FARP2: variants seen among roughly 807,000 people sequenced by gnomAD.
FARP2 encodes FERM, ARHGEF and pleckstrin domain-containing protein 2.
A neutral mutation model predicts 130.5 loss-of-function variants in FARP2; 111 were observed. That is an observed-to-expected ratio of 0.85 (90% CI 0.73 to 1.00). The LOEUF is 1.00. FARP2 is among the 50% of genes least tolerant of loss of function. The pLI is 0.00. For missense variants in FARP2, 1,385 were observed against 1,346.3 expected (o/e 1.03, Z -0.45); for synonymous variants, 504 against 516.9 (o/e 0.98, Z 0.34).
chr2:241,488,597 T>A (rs1415127037), intron 21 of FARP2: 2 of 152,096 alleles, frequency 1.3e-5, no homozygotes, highest in African/African-American at 4.8e-5. Flanking sequence ...AGACGGGGTT[T>A]CACCGTGTTA....
At chr2:241,474,479 G>A (rs2064403399) in intron 18 of FARP2, among the ~76,000 whole-genome samples, 1 of 151,294 alleles carries the variant, frequency 6.6e-6, no homozygotes, top group Admixed American at 6.6e-5. Flanking sequence ...GGAAATAAGA[G>A]GGAGTCATGA....
intron 18 of FARP2, among the ~76,000 whole-genome samples, chr2:241,468,803 C>T (rs2064238478): frequency 6.6e-6 from 1 of 152,230 alleles, no homozygotes; most frequent in Non-Finnish European, 1.5e-5. Flanking sequence ...GGCTCTAAAA[C>T]GTACAAAAGA....
intron 18 of FARP2, among the ~76,000 whole-genome samples, chr2:241,469,328 G>A (rs1208495375): frequency 5.3e-5 from 8 of 152,000 alleles, no homozygotes; most frequent in East Asian, 1.9e-4. Context: ...CTCGTGATCC[G>A]CCTGCCTCAA....
At chr2:241,376,807 C>A (rs1277622947) in intron 2 of FARP2, among the ~76,000 whole-genome samples, 1 of 152,194 alleles carries the variant, frequency 6.6e-6, no homozygotes, top group Admixed American at 6.5e-5. Context: ...AGCAGTGAGA[C>A]CCCTGGCTGG....
At chr2:241,455,252 G>A (rs752172157) in intron 13 of FARP2, among the ~76,000 whole-genome samples, 7 of 152,198 alleles carry the variant, frequency 4.6e-5, no homozygotes, top group East Asian at 1.9e-4. Context: ...GCATTTATGC[G>A]ACCAGGGGTT....
chr2:241,364,464 C>T (rs898434971), intron 1 of FARP2, among the ~76,000 whole-genome samples: 2 of 152,150 alleles, frequency 1.3e-5, no homozygotes, highest in Non-Finnish European at 2.9e-5. Context: ...ACTTCTAACC[C>T]GTAGACACTG....
At chr2:241,380,159 C>T (rs1020087073) in intron 2 of FARP2, among the ~76,000 whole-genome samples, 4 of 152,158 alleles carry the variant, frequency 2.6e-5, no homozygotes, top group Admixed American at 2.6e-4. Context: ...GTGAAGACGC[C>T]ATGACAGTGG....
Position 241,490,137 on chromosome 2 carries a change from G to A in FARP2, c.2504+93G>A, listed in dbSNP as rs2064857380. On this transcript the variant is annotated intron_variant, in intron 22 of 26. Coordinates refer to ENST00000264042, the MANE Select transcript of FARP2 (RefSeq NM_014808.4). ...GCCTCTGAGTCCTCTGAGCTGTGAG[G>A]AGCCATGTAGCCTCATGGGGTTGTG... 9.1e-6 allele frequency: 8 copies of A among 882,794 alleles called. No individual in the cohort carries two copies. The South Asian group carries it at 9.6e-5, about 11-fold the overall frequency. 54.7% of individuals were successfully genotyped at this position (882,794 alleles called of 1,614,324 possible).
intron 21 of FARP2, among the ~76,000 whole-genome samples, chr2:241,485,648 TG>T: frequency 6.9e-6 from 1 of 145,652 alleles, no homozygotes; most frequent in Non-Finnish European, 1.5e-5. Flanking sequence ...CCTCCCTCCC[TG>T]AGGTCCTCCC....
At chr2:241,424,807 A>AATG (rs2062890834) in intron 8 of FARP2, among the ~76,000 whole-genome samples, 1 of 152,234 alleles carries the variant, frequency 6.6e-6, no homozygotes, top group South Asian at 2.1e-4. Flanking sequence ...ATCATCAGAG[A>AATG]ATGCTATAAA....
intron 24 of FARP2, among the ~76,000 whole-genome samples, chr2:241,492,239 G>A (rs959151470): frequency 6.6e-6 from 1 of 152,166 alleles, no homozygotes; most frequent in African/African-American, 2.4e-5. Context: ...CAGGGGCTCA[G>A]GAGCTACCCC....
chr2:241,468,734 A>G (rs1037678021), intron 18 of FARP2, among the ~76,000 whole-genome samples: 4 of 152,236 alleles, frequency 2.6e-5, no homozygotes, highest in African/African-American at 9.6e-5. Context: ...GCACTGGGGA[A>G]TGGGGTGCAA....
At chr2:241,384,339 G>T (rs1179175569) in intron 2 of FARP2, among the ~76,000 whole-genome samples, 1 of 152,060 alleles carries the variant, frequency 6.6e-6, no homozygotes, top group African/African-American at 2.4e-5. Context: ...GCAGCTTTTT[G>T]CCACAGTGGT....
chr2:241,359,020 C>T (rs1450215634), intron 1 of FARP2, among the ~76,000 whole-genome samples: 1 of 152,188 alleles, frequency 6.6e-6, no homozygotes, highest in Non-Finnish European at 1.5e-5. Flanking sequence ...AGTAAACATG[C>T]TTCCACAAGC....
chr2:241,443,113 TA>T, intron 13 of FARP2: 1 of 264,412 alleles, frequency 3.8e-6, no homozygotes, highest in Non-Finnish European at 7.5e-6. Context: ...CCGTAGACAT[TA>T]GCCTTTTCTT....
chr2:241,454,086 G>A (rs1030401004), intron 13 of FARP2, among the ~76,000 whole-genome samples: 1 of 151,940 alleles, frequency 6.6e-6, no homozygotes, highest in South Asian at 2.1e-4. Flanking sequence ...ACCCGGCCAG[G>A]AGTGGCCCTT....
chr2:241,428,674 AT>A (rs1356538886), intron 8 of FARP2, among the ~76,000 whole-genome samples: 1 of 151,632 alleles, frequency 6.6e-6, no homozygotes, highest in Non-Finnish European at 1.5e-5. Flanking sequence ...AAAATTCACC[AT>A]GTTGAAGTAT....
intron 8 of FARP2, among the ~76,000 whole-genome samples, chr2:241,420,531 C>T (rs1337299569): frequency 6.6e-6 from 1 of 152,168 alleles, no homozygotes; most frequent in Non-Finnish European, 1.5e-5. Context: ...TTCACAAAAC[C>T]TTCACAGGAA....
chr2:241,373,072 T>C lies in FARP2; in HGVS notation c.-24-12T>C. 1.5e-6 allele frequency: 2 copies of C among 1,305,406 alleles called. No homozygotes were observed. Among genetic ancestry groups the C allele is most frequent in the South Asian group, 2.3e-5 (1 of 43,314 alleles). 80.9% of individuals were successfully genotyped at this position (1,305,406 alleles called of 1,614,324 possible). A position where few individuals can be genotyped will look rare whatever the true frequency, so the allele number is the denominator to read the frequency against. ...TAATTCCTTCATGTGGTTTTTTTTT[T>C]TTTCATTTTAGTGTTTTCTTCACTC... On this transcript the variant is annotated splice_polypyrimidine_tract_variant and intron_variant, in intron 1 of 26. Transcript: ENST00000264042.
Sources: gnomAD v4.1 joint callset for allele counts (sites outside exome capture counted in the v4.1 genomes callset) on GRCh38, gnomAD v4.1.1 for gene constraint, MANE v1.5 for transcripts, NCBI Gene and HGNC (gene_info 2026-07-23, HGNC 2026-07-21) for gene names.